CFAP251: variants seen among roughly 807,000 people sequenced by gnomAD.
The protein encoded by CFAP251 is cilia and flagella associated protein 251.
In CFAP251, 93 loss-of-function variants were observed where a neutral mutation model predicts 126.7. The ratio of observed to expected loss-of-function variants is 0.73; its 90% confidence interval spans 0.62 to 0.87. The LOEUF (loss-of-function observed/expected upper bound fraction) is 0.87, where lower values mean the gene tolerates loss of function less well. Among genes scored for constraint, CFAP251 ranks in the 40% least tolerant of loss-of-function variants. The pLI is 0.00. For synonymous variants in CFAP251, 503 were observed against 506.9 expected (o/e 0.99, Z 0.10); for missense variants, 1,287 against 1,389.2 (o/e 0.93, Z 1.17).
Position 121,979,311 on chromosome 12 carries a change from G to A in CFAP251, c.3006+3626G>A, listed in dbSNP as rs1225506775. ...CTCTGAGAAAGTTCGTACAGCCCAC[G>A]TGGTGTTCCAGAGAGTGGCATTTTC... On this transcript the variant is annotated intron_variant, in intron 19 of 21. Coordinates refer to ENST00000288912, the MANE Select transcript of CFAP251 (RefSeq NM_144668.6). Among the ~76,000 whole-genome samples the A allele has an allele frequency of 3.3e-5, 5 of 152,180 alleles. No individual in the cohort carries two copies. The East Asian group carries it at 9.6e-4, about 29-fold the overall frequency.
intron 3 of CFAP251, among the ~76,000 whole-genome samples, chr12:121,927,188 G>T (rs1592962326): frequency 1.4e-5 from 2 of 143,740 alleles, no homozygotes; most frequent in African/African-American, 5.1e-5. Context: ...TGTTGTTTAG[G>T]TTTTTTTTTT....
At chr12:121,959,259 G>GTGGGGTCCTGCTGT in intron 13 of CFAP251, 165 bp downstream of exon 13, 1 of 672,326 alleles carries the variant, frequency 1.5e-6, no homozygotes, top group South Asian at 2.6e-5. Context: ...AAACACAGCA[G>GTGGGGTCCTGCTGT]GACCCCACTG....
chr12:121,928,690 G>T (rs913831195), intron 3 of CFAP251, among the ~76,000 whole-genome samples: 1 of 62,830 alleles, frequency 1.6e-5, no homozygotes, highest in Non-Finnish European at 3.0e-5. Flanking sequence ...ATATATATAC[G>T]TATATATATA....
rs546135288 is a variant in CFAP251 at position 121,949,245 on chromosome 12, A to G, written c.1269+184A>G. 77 of 340,944 alleles carry G rather than the reference A, an allele frequency of 2.3e-4. 1 individual carries two copies. The highest frequency in any genetic ancestry group is 1.4e-3 in the African/African-American group (67 of 47,232). The allele number at this position is 340,944 out of a possible 1,614,324, so 21.1% of individuals were successfully genotyped here. ...TTAGAAATTAGCATATTAAATCAAAAGCAAATAATCCAATTTTATTTATTA... is the reference window on the plus strand; with the variant it reads ...TTAGAAATTAGCATATTAAATCAAAGGCAAATAATCCAATTTTATTTATTA... On this transcript the variant is annotated intron_variant, in intron 8 of 21. Coordinates refer to ENST00000288912, the MANE Select transcript of CFAP251 (RefSeq NM_144668.6).
chr12:122,002,636 C>G (rs191049351), intron 21 of CFAP251, among the ~76,000 whole-genome samples: 2 of 152,298 alleles, frequency 1.3e-5, no homozygotes, highest in African/African-American at 4.8e-5. Flanking sequence ...CCAAAACTTT[C>G]AGGTTTTTAA....
chr12:121,951,209 G>A (rs1272616712), intron 8 of CFAP251: 1 of 274,172 alleles, frequency 3.6e-6, no homozygotes, highest in East Asian at 6.2e-5. Flanking sequence ...CGATAGATGT[G>A]TTTCTGCTTG....
At chr12:122,001,785 G>T in intron 21 of CFAP251, 187 bp downstream of exon 21, 1 of 611,430 alleles carries the variant, frequency 1.6e-6, no homozygotes, top group Non-Finnish European at 3.0e-6. Context: ...TTTTGTTCCC[G>T]CGCTCTGTCC....
At chr12:121,970,880 A>G (rs1882308300) in intron 17 of CFAP251, among the ~76,000 whole-genome samples, 2 of 152,236 alleles carry the variant, frequency 1.3e-5, no homozygotes, top group South Asian at 2.1e-4. Flanking sequence ...TTCACAAATT[A>G]TAGCTCTCAC....
At position 121,931,751 on chromosome 12, in the gene CFAP251, G is replaced by T; in HGVS notation, c.753G>T (p.Met251Ile). 2 of 1,574,762 alleles carry T rather than the reference G, an allele frequency of 1.3e-6. No homozygotes were observed. Among genetic ancestry groups the T allele is most frequent in the South Asian group, 2.4e-5 (2 of 83,644 alleles). Residue 251 changes from methionine (M) to isoleucine (I), a missense_variant, in exon 4 of 22, where the codon ATG (methionine) becomes ATT (isoleucine). Physicochemically the swap from Met to Ile is conservative, Grantham distance 10. Coordinates refer to ENST00000288912, the MANE Select transcript of CFAP251 (RefSeq NM_144668.6). Reference protein sequence around the residue: ...DKSTPVYPLTMTWSFGWNSSL... With the variant: ...DKSTPVYPLTITWSFGWNSSL... ...GCTTTGCCCTTGTCTTCCAGACCATGACCTGGTCGTTTGGATGGAACAGTT... is the reference window on the plus strand; with the variant it reads ...GCTTTGCCCTTGTCTTCCAGACCATTACCTGGTCGTTTGGATGGAACAGTT...
chr12:121,991,452 TC>T (rs1290879267), intron 19 of CFAP251, among the ~76,000 whole-genome samples: 1 of 152,174 alleles, frequency 6.6e-6, no homozygotes, highest in African/African-American at 2.4e-5. Context: ...CAAAGTGTGG[TC>T]CCCAGACCAA....
rs1882412441 is a variant in CFAP251, at chr12:121,974,629, T to A, written c.2772-615T>A. The stretch of plus-strand genomic sequence containing the variant: ...ATTAGCAGTAATCCAGTTAGTGGAT[T>A]ATTAGAATGATTTCTGATGATTAGC... On this transcript the variant is annotated intron_variant, in intron 17 of 21. Coordinates refer to ENST00000288912, the MANE Select transcript of CFAP251 (RefSeq NM_144668.6). The surrounding 1 kb of genome is among the most constrained non-coding windows in gnomAD (Gnocchi z 4.6). Among the ~76,000 whole-genome samples the A allele has an allele frequency of 6.6e-6, 1 of 152,204 alleles. No individual in the cohort carries two copies. Among genetic ancestry groups the A allele is most frequent in the Admixed American group, 6.5e-5 (1 of 15,282 alleles).
intron 17 of CFAP251, among the ~76,000 whole-genome samples, chr12:121,971,097 C>A (rs1030277144): frequency 2.0e-5 from 3 of 152,232 alleles, no homozygotes; most frequent in Non-Finnish European, 1.5e-5. Context: ...GGGACAGGCT[C>A]CTCTGTGTCA....
chr12:121,958,584 C>T, intron 12 of CFAP251, 62 bp downstream of exon 12: 1 of 1,597,764 alleles, frequency 6.3e-7, no homozygotes. Flanking sequence ...GGGATGGATG[C>T]ACCTGGGCTG....
intron 19 of CFAP251, among the ~76,000 whole-genome samples, chr12:121,975,898 T>C (rs1213574871): frequency 6.6e-6 from 1 of 152,122 alleles, no homozygotes; most frequent in Non-Finnish European, 1.5e-5. Flanking sequence ...CATGGAAGTT[T>C]GATGTTGGTT....
At chr12:121,920,483 G>A (rs1466848863) in intron 1 of CFAP251, among the ~76,000 whole-genome samples, 14 of 150,290 alleles carry the variant, frequency 9.3e-5, no homozygotes, top group Non-Finnish European at 1.8e-4. Flanking sequence ...TGCAAGCTCC[G>A]CCTCCCGGGT....
chr12:121,996,243 A>G (rs866412597), intron 19 of CFAP251, among the ~76,000 whole-genome samples: 6 of 152,326 alleles, frequency 3.9e-5, no homozygotes, highest in Middle Eastern at 3.4e-3. Flanking sequence ...AGCAGGGAGG[A>G]GAGGAAGCAA....
chr12:122,001,354 C>T lies in CFAP251; in HGVS notation c.3236-143C>T, dbSNP rs75801403. 1,545 of 749,182 alleles carry T rather than the reference C, an allele frequency of 2.1e-3. 26 individuals are homozygous for T. The East Asian group carries it at 0.035, about 17-fold the overall frequency. 46.4% of individuals were successfully genotyped at this position (749,182 alleles called of 1,614,324 possible). ...TACAGGCATGAGCCACCACGCCCAG[C>T]CTAAATTTTTTTTTCAATTGAGTAA... On this transcript the variant is annotated intron_variant, in intron 20 of 21. Coordinates refer to ENST00000288912, the MANE Select transcript of CFAP251 (RefSeq NM_144668.6).
At chr12:121,975,116 G>T in intron 17 of CFAP251, 128 bp from the exon 18 acceptor site, 1 of 698,044 alleles carries the variant, frequency 1.4e-6, no homozygotes, top group Non-Finnish European at 2.5e-6. Context: ...CTTAACAAGT[G>T]TGTAGAGACC....
At chr12:121,967,198 A>C (rs868564797) in intron 16 of CFAP251, 129 bp downstream of exon 16, 2 of 770,478 alleles carry the variant, frequency 2.6e-6, no homozygotes, top group South Asian at 3.5e-5. Context: ...CACCCCAGTC[A>C]GCTGTGATAC....
Sources: allele counts gnomAD v4.1 joint callset (sites outside exome capture counted in the v4.1 genomes callset), GRCh38; gene constraint gnomAD v4.1.1; non-coding constraint Gnocchi (gnomAD v3.1); transcripts MANE v1.5; gene names NCBI Gene and HGNC (gene_info 2026-07-23, HGNC 2026-07-21).